The following PRMT3 variants were observed in gnomAD, a reference collection of about 807,000 sequenced individuals.
PRMT3 encodes protein arginine methyltransferase 3, also known as protein arginine N-methyltransferase 3.
A neutral mutation model predicts 71.9 loss-of-function variants in PRMT3; 62 were observed. The ratio of observed to expected loss-of-function variants is 0.86; its 90% CI spans 0.70 to 1.07. The LOEUF (loss-of-function observed/expected upper bound fraction) is 1.07. PRMT3 is among the 50% of genes least tolerant of loss of function. The probability of loss-of-function intolerance (pLI) is 0.00; values close to 1 mark genes in which losing one functional copy is unlikely to be tolerated. For missense variants in PRMT3, 663 were observed against 643.0 expected, an observed-to-expected ratio of 1.03 and a Z score of -0.34; for synonymous variants, 213 against 220.4, an observed-to-expected ratio of 0.97 and a Z score of 0.30.
In PRMT3 at chr11:20,498,631, G is replaced by A. The variant is rs141665893; in HGVS notation, c.1486+4377G>A. Among the ~76,000 whole-genome samples the A allele has an allele frequency of 2.6e-4, 39 of 152,236 alleles. No individual in the cohort carries two copies. In the East Asian group the frequency reaches 6.6e-3, roughly 26 times the overall value. ...TGTAATCCCGGCTATTCGGGAGGCC[G>A]AGGCACAAGAATTGTTTCAACCCAG... On this transcript the variant is annotated intron_variant, in intron 15 of 15. Transcript: ENST00000331079.
At chr11:20,500,718 A>C (rs1488439076) in intron 15 of PRMT3, among the ~76,000 whole-genome samples, 4 of 152,262 alleles carry the variant, frequency 2.6e-5, no homozygotes, top group Non-Finnish European at 4.4e-5. Flanking sequence ...AAAAACTAAC[A>C]TACATAAAAA....
At chr11:20,504,921 CAG>C (rs1454267479) in intron 15 of PRMT3, among the ~76,000 whole-genome samples, 4 of 152,080 alleles carry the variant, frequency 2.6e-5, no homozygotes, top group African/African-American at 4.8e-5. Flanking sequence ...TTAGTAGAGA[CAG>C]AGTTTTGCCA....
intron 9 of PRMT3, among the ~76,000 whole-genome samples, chr11:20,408,508 A>C (rs1849122155): frequency 1.3e-5 from 2 of 152,156 alleles, no homozygotes; most frequent in African/African-American, 4.8e-5. Context: ...GTTGCTGAAA[A>C]CAAGGCAGAG....
intron 3 of PRMT3, among the ~76,000 whole-genome samples, chr11:20,390,525 T>C (rs548052318): frequency 6.6e-6 from 1 of 152,372 alleles, no homozygotes; most frequent in African/African-American, 2.4e-5. Context: ...GACTGAGTTT[T>C]ATACAAAGTT....
chr11:20,471,611 G>A (rs1590089100), intron 13 of PRMT3, among the ~76,000 whole-genome samples: 1 of 152,196 alleles, frequency 6.6e-6, no homozygotes, highest in East Asian at 1.9e-4. Flanking sequence ...TTTGGTTACT[G>A]TAGCCATATG....
intron 10 of PRMT3, among the ~76,000 whole-genome samples, chr11:20,431,950 A>T (rs144943023): frequency 9.0e-4 from 137 of 152,226 alleles, no homozygotes; most frequent in African/African-American, 3.2e-3. Context: ...TTGAACAATG[A>T]AAGAAAAGTT....
At chr11:20,447,175 G>A (rs1027461472) in intron 10 of PRMT3, among the ~76,000 whole-genome samples, 11 of 151,928 alleles carry the variant, frequency 7.2e-5, no homozygotes, top group African/African-American at 2.7e-4. Context: ...TTTTTAAGCA[G>A]AGAACACAGT....
intron 7 of PRMT3, among the ~76,000 whole-genome samples, chr11:20,402,271 C>T (rs1455555159): frequency 2.6e-5 from 4 of 152,066 alleles, no homozygotes; most frequent in African/African-American, 9.7e-5. Flanking sequence ...AGGCATGCGC[C>T]ACCACACCCG....
intron 13 of PRMT3, among the ~76,000 whole-genome samples, chr11:20,484,790 G>T (rs1410884264): frequency 6.6e-6 from 1 of 152,160 alleles, no homozygotes; most frequent in African/African-American, 2.4e-5. Context: ...GTAGTGGTAA[G>T]CCACATAAAA....
intron 10 of PRMT3, among the ~76,000 whole-genome samples, chr11:20,445,183 A>G (rs1030003569): frequency 6.6e-6 from 1 of 152,100 alleles, no homozygotes; most frequent in Non-Finnish European, 1.5e-5. Context: ...TTTTAAAAAA[A>G]ATCAGTTTCA....
chr11:20,388,777 G>C (rs1484655025), intron 2 of PRMT3, among the ~76,000 whole-genome samples: 2 of 152,380 alleles, frequency 1.3e-5, no homozygotes, highest in Admixed American at 1.3e-4. Context: ...AAGCTGTGGT[G>C]TGCTTATTTC....
Position 20,407,935 on chromosome 11 carries a change from A to G in PRMT3, c.796A>G (p.Thr266Ala), listed in dbSNP as rs766985909. Reference sequence around the variant, plus strand: ...GGTAGTTTTGGATGTTGGGTGTGGAACTGGAATTCTCTCTATGTTTGCTGC... The same window carrying G: ...GGTAGTTTTGGATGTTGGGTGTGGAGCTGGAATTCTCTCTATGTTTGCTGC... ...DKVVLDVGCG[T>A]GILSMFAAKA... The change falls in exon 9 of 16, where the codon ACT becomes GCT. Residue 266 changes from threonine to alanine, a missense_variant. Physicochemically the swap from Thr to Ala is moderately conservative, Grantham distance 58. Transcript: ENST00000331079. 2 of 1,611,512 alleles carry G rather than the reference A, an allele frequency of 1.2e-6. No homozygotes were observed. Among genetic ancestry groups the G allele is most frequent in the Non-Finnish European group, 1.7e-6 (2 of 1,177,970 alleles).
chr11:20,417,280 A>G (rs1849327339), intron 9 of PRMT3, among the ~76,000 whole-genome samples: 1 of 152,218 alleles, frequency 6.6e-6, no homozygotes. Flanking sequence ...GCAAAAGAGA[A>G]ATAAATATGT....
intron 10 of PRMT3, among the ~76,000 whole-genome samples, chr11:20,435,505 T>G (rs1849742782): frequency 6.6e-6 from 1 of 152,166 alleles, no homozygotes; most frequent in Non-Finnish European, 1.5e-5. Flanking sequence ...TAGTTGATTT[T>G]TGTATATGGT....
At chr11:20,401,820 G>C (rs1472599216) in intron 7 of PRMT3, among the ~76,000 whole-genome samples, 1 of 152,150 alleles carries the variant, frequency 6.6e-6, no homozygotes, top group African/African-American at 2.4e-5. Flanking sequence ...GTTTGCCTTG[G>C]TCACAGGTTA....
chr11:20,463,063 A>G (rs551540042), intron 12 of PRMT3, among the ~76,000 whole-genome samples: 14 of 152,216 alleles, frequency 9.2e-5, no homozygotes, highest in South Asian at 4.1e-4. Context: ...ATGGGGTTTC[A>G]CCGTGTTGAC....
At chr11:20,484,403 A>G (rs1158813417) in intron 13 of PRMT3, among the ~76,000 whole-genome samples, 3 of 137,362 alleles carry the variant, frequency 2.2e-5, no homozygotes, top group Admixed American at 7.5e-5. Flanking sequence ...GGAGTGTTAC[A>G]GTGATATGGT....
intron 13 of PRMT3, among the ~76,000 whole-genome samples, chr11:20,473,542 G>C (rs1251560326): frequency 6.6e-6 from 1 of 152,146 alleles, no homozygotes; most frequent in Non-Finnish European, 1.5e-5. Context: ...GTGTGGTTTT[G>C]AGTGAATTTG....
chr11:20,505,954 T>C (rs1201267842), intron 15 of PRMT3, among the ~76,000 whole-genome samples: 1 of 152,104 alleles, frequency 6.6e-6, no homozygotes, highest in Non-Finnish European at 1.5e-5. Flanking sequence ...TCATCATTTT[T>C]TTAGATAGAG....
Sources: gnomAD v4.1 joint callset for allele counts (sites outside exome capture counted in the v4.1 genomes callset) on GRCh38, gnomAD v4.1.1 for gene constraint, MANE v1.5 for transcripts, NCBI Gene and HGNC (gene_info 2026-07-23, HGNC 2026-07-21) for gene names.